RBL1: variants seen among roughly 807,000 people sequenced by gnomAD.
RBL1 encodes retinoblastoma-like protein 1.
A neutral mutation model predicts 123.0 loss-of-function variants in RBL1; 82 were observed. That is an observed-to-expected ratio of 0.67 (90% CI 0.56 to 0.80). The LOEUF (loss-of-function observed/expected upper bound fraction) is 0.80. Ranked by LOEUF, RBL1 falls within the 30% of genes least tolerant of loss-of-function variation. RBL1 has a pLI of 0.00. For synonymous variants in RBL1, 405 were observed against 441.3 expected, an observed-to-expected ratio of 0.92 and a Z score of 1.03; for missense variants, 1,171 against 1,299.6, an observed-to-expected ratio of 0.90 and a Z score of 1.52.
Position 37,067,317 on chromosome 20 carries a change from A to G in RBL1, c.492-20T>C, listed in dbSNP as rs761421749. On this transcript the variant is annotated intron_variant, in intron 3 of 21. Coordinates refer to ENST00000373664, the MANE Select transcript of RBL1 (RefSeq NM_002895.5). ...ATCCTCCTAAAAAGGGAAAAAAATT[A>G]CTTTTTGTCTGACTAGCTCGCTAAA... 3.8e-6 allele frequency: 6 copies of G among 1,561,038 alleles called. No homozygotes were observed. In the South Asian group the frequency reaches 5.9e-5, roughly 15 times the overall value.
chr20:37,035,176 T>A, intron 15 of RBL1, 66 bp downstream of exon 15: 3 of 1,406,226 alleles, frequency 2.1e-6, no homozygotes, highest in South Asian at 2.8e-5. Flanking sequence ...TGTGATCTAA[T>A]CCACTAAGAC....
chr20:36,996,490 G>GA lies in RBL1; in HGVS notation c.*2268dup, dbSNP rs1457262414. 1.3e-5 allele frequency: 2 copies of GA among 152,168 alleles called. No homozygotes were observed. Among genetic ancestry groups the GA allele is most frequent in the African/African-American group, 2.4e-5 (1 of 41,434 alleles). 9.4% of individuals were successfully genotyped at this position (152,168 alleles called of 1,614,324 possible). On this transcript the variant is annotated 3_prime_UTR_variant, in exon 22 of 22. Transcript: ENST00000373664. ...GGGTCTTGCCCTCTCACCTAGGATG[G>GA]AGTGTAGTGGTGCAATCACAGCTCA...
chr20:37,028,229 G>A (rs1945589403), intron 16 of RBL1, among the ~76,000 whole-genome samples: 1 of 152,146 alleles, frequency 6.6e-6, no homozygotes, highest in African/African-American at 2.4e-5. Flanking sequence ...GCCAGGTGTG[G>A]TGGTGGACAC....
intron 19 of RBL1, among the ~76,000 whole-genome samples, chr20:37,010,820 CTTTT>C (rs2064138209): frequency 6.6e-6 from 1 of 151,270 alleles, no homozygotes; most frequent in South Asian, 2.1e-4. Context: ...ATATAATTAT[CTTTT>C]TTATTTTTAG....
chr20:37,027,206 G>C (rs2064439793), intron 16 of RBL1, among the ~76,000 whole-genome samples: 1 of 152,044 alleles, frequency 6.6e-6, no homozygotes, highest in South Asian at 2.1e-4. Context: ...AATTTAGCTG[G>C]GTGGGGTGGT....
At chr20:37,022,254 A>G (rs541675738) in intron 17 of RBL1, among the ~76,000 whole-genome samples, 64 of 152,370 alleles carry the variant, frequency 4.2e-4, no homozygotes, top group African/African-American at 1.5e-3. Context: ...AACACGTTGT[A>G]GCAACTAGAA....
Position 37,088,572 on chromosome 20 carries a change from A to G in RBL1, c.290+417T>C, listed in dbSNP as rs2065591606. Among the ~76,000 whole-genome samples the G allele has an allele frequency of 2.0e-5, 3 of 152,074 alleles. No individual in the cohort carries two copies. The South Asian group carries it at 6.2e-4, about 32-fold the overall frequency. ...CTATGTTATAACTTAGAATTAAATG[A>G]AGTCACACAGTGGCTCACGTCTATA... On this transcript the variant is annotated intron_variant, in intron 2 of 21. Transcript: ENST00000373664.
At chr20:37,065,602 T>G in intron 6 of RBL1, 129 bp from the exon 7 acceptor site, 1 of 607,456 alleles carries the variant, frequency 1.6e-6, no homozygotes, top group Non-Finnish European at 2.7e-6. Flanking sequence ...AATATTTCTT[T>G]CAGACTAGGA....
intron 14 of RBL1, among the ~76,000 whole-genome samples, chr20:37,039,192 C>T (rs2064681293): frequency 6.6e-6 from 1 of 152,068 alleles, no homozygotes; most frequent in Admixed American, 6.6e-5. Flanking sequence ...TCAAAATGAA[C>T]TATTTTAAGA....
chr20:37,090,382 A>AAATTT (rs1286811159), intron 1 of RBL1, among the ~76,000 whole-genome samples: 5 of 152,340 alleles, frequency 3.3e-5, no homozygotes, highest in African/African-American at 9.6e-5. Context: ...GAGTTTTATT[A>AAATTT]AAATTTGTCA....
chr20:37,075,952 C>T (rs940446293), intron 2 of RBL1, among the ~76,000 whole-genome samples: 11 of 152,142 alleles, frequency 7.2e-5, no homozygotes, highest in Admixed American at 3.9e-4. Context: ...TATGCACAAG[C>T]ACAAAATTCT....
At chr20:37,055,280 G>C (rs1312499322) in intron 11 of RBL1, among the ~76,000 whole-genome samples, 1 of 141,464 alleles carries the variant, frequency 7.1e-6, no homozygotes, top group East Asian at 2.2e-4. Context: ...TTAACAGGTG[G>C]AGGGATCACT....
In RBL1 at chr20:37,035,180, C is replaced by T; in HGVS notation, c.2170+62G>A. 2.1e-6 allele frequency: 3 copies of T among 1,462,236 alleles called. No homozygotes were observed. The South Asian group carries it at 3.9e-5, about 19-fold the overall frequency. The allele number at this position is 1,462,236 out of a possible 1,614,324, so 90.6% of individuals were successfully genotyped here. A position where few individuals can be genotyped will look rare whatever the true frequency, so the allele number is the denominator to read the frequency against. On this transcript the variant is annotated intron_variant, in intron 15 of 21. Coordinates refer to ENST00000373664, the MANE Select transcript of RBL1 (RefSeq NM_002895.5). Reference sequence around the variant, plus strand: ...TAGAAAAACCATGTGATCTAATCCACTAAGACATTTCTTAAATTTTTATCT... The same window carrying T: ...TAGAAAAACCATGTGATCTAATCCATTAAGACATTTCTTAAATTTTTATCT...
Position 37,068,132 on chromosome 20 carries a change from T to G in RBL1, c.345A>C (p.Pro115=). 6.2e-7 allele frequency: 1 copy of G among 1,612,432 alleles called. No homozygotes were observed. The highest frequency in any genetic ancestry group is 1.1e-5 in the South Asian group (1 of 90,650). ...MKKWMDMSNL[P]QEFRERIERL... The stretch of plus-strand genomic sequence containing the variant: ...TTTCTATACGTTCACGAAATTCTTG[T>G]GGTAGATTTGACATGTCCATCCATT... The change falls in exon 3 of 22, where the codon CCA becomes CCC. Residue 115 remains proline, a synonymous_variant. Coordinates refer to ENST00000373664, the MANE Select transcript of RBL1 (RefSeq NM_002895.5).
chr20:37,089,537 G>C (rs1161620220), intron 1 of RBL1, among the ~76,000 whole-genome samples: 1 of 151,994 alleles, frequency 6.6e-6, no homozygotes, highest in East Asian at 1.9e-4. Context: ...CCAGCTACTT[G>C]GGTGGCTGAG....
At chr20:37,060,161 A>T (rs962709354) in intron 9 of RBL1, among the ~76,000 whole-genome samples, 1 of 150,188 alleles carries the variant, frequency 6.7e-6, no homozygotes, top group African/African-American at 2.5e-5. Context: ...AACAAGAGTG[A>T]AACTCTGTCT....
At chr20:37,061,394 T>C in intron 8 of RBL1, 125 bp from the exon 9 acceptor site, 1 of 1,306,856 alleles carries the variant, frequency 7.7e-7, no homozygotes, top group Admixed American at 3.3e-5. Flanking sequence ...TTAGCAATAC[T>C]ATGCTAATAA....
intron 19 of RBL1, among the ~76,000 whole-genome samples, chr20:37,012,657 T>C (rs1261311833): frequency 7.2e-6 from 1 of 138,900 alleles, no homozygotes; most frequent in African/African-American, 3.0e-5. Flanking sequence ...GTGAGGAGCG[T>C]CTCCGCCCGG....
chr20:37,026,860 G>C (rs1176944802), intron 16 of RBL1, among the ~76,000 whole-genome samples: 12 of 151,170 alleles, frequency 7.9e-5, no homozygotes. Flanking sequence ...AAAATTAGCT[G>C]GGCATGGTGG....
Sources: gnomAD v4.1 joint callset for allele counts (sites outside exome capture counted in the v4.1 genomes callset) on GRCh38, gnomAD v4.1.1 for gene constraint, MANE v1.5 for transcripts, NCBI Gene and HGNC (gene_info 2026-07-23, HGNC 2026-07-21) for gene names.